The following SCG3 variants were observed in gnomAD, a reference collection of about 807,000 sequenced individuals.
SCG3 encodes the protein secretogranin III.
SCG3 carries 38 observed loss-of-function variants against 56.2 expected under a neutral mutation model. The observed-to-expected ratio is 0.68, with a 90% CI of 0.52 to 0.89. SCG3 has a LOEUF of 0.89. Ranked by LOEUF, SCG3 falls within the 40% of genes least tolerant of loss-of-function variation. The pLI is 0.00. For synonymous variants in SCG3, 176 were observed against 184.2 expected, an observed-to-expected ratio of 0.96 and a Z score of 0.36; for missense variants, 524 against 540.7, an observed-to-expected ratio of 0.97 and a Z score of 0.31.
chr15:51,708,638 G>C (rs2055391087), intron 10 of SCG3, among the ~76,000 whole-genome samples: 1 of 152,160 alleles, frequency 6.6e-6, no homozygotes, highest in Non-Finnish European at 1.5e-5. Context: ...GGCAGATCAC[G>C]AGGTCAGGAG....
intron 8 of SCG3, among the ~76,000 whole-genome samples, chr15:51,699,099 T>C (rs78355726): frequency 0.013 from 1,980 of 152,306 alleles, 29 homozygotes; most frequent in East Asian, 0.026. Flanking sequence ...TGCAATTAGC[T>C]GAGTAGGAGG....
Position 51,692,185 on chromosome 15 carries a change from T to G in SCG3, c.717T>G (p.Gly239=). The G allele has an allele frequency of 6.2e-7, 1 of 1,611,910 alleles. No homozygotes were observed. The highest frequency in any genetic ancestry group is 8.5e-7 in the Non-Finnish European group (1 of 1,179,018). Residue 239 remains glycine, a synonymous_variant, in exon 7 of 12, where the codon GGT becomes GGG. Transcript: ENST00000220478. ...KVTPMAAIQD[G]LAKGENDETV... is the part of the protein sequence containing the mutation. ...CTCCAATGGCAGCAATTCAAGATGGTCTTGCTAAGGGAGAAAACGATGAAA... is the reference window on the plus strand; with the variant it reads ...CTCCAATGGCAGCAATTCAAGATGGGCTTGCTAAGGGAGAAAACGATGAAA...
At chr15:51,706,676 AAGTAATAATAATAAT>A (rs945879168) in intron 10 of SCG3, among the ~76,000 whole-genome samples, 19 of 152,124 alleles carry the variant, frequency 1.2e-4, no homozygotes, top group Admixed American at 7.2e-4. Context: ...TGAGGAATAT[AAGTAATAATAATAAT>A]AGTAATAATA....
intron 7 of SCG3, 78 bp from the exon 8 acceptor site, chr15:51,695,797 G>T: frequency 1.4e-6 from 1 of 729,726 alleles, no homozygotes; most frequent in Non-Finnish European, 2.3e-6. Flanking sequence ...CAAACAAAAA[G>T]ATGCTGTACT....
At chr15:51,698,986 C>T (rs2055321973) in intron 8 of SCG3, among the ~76,000 whole-genome samples, 1 of 152,192 alleles carries the variant, frequency 6.6e-6, no homozygotes, top group African/African-American at 2.4e-5. Flanking sequence ...AATCAAGGTG[C>T]AGTTACCACA....
At chr15:51,688,507 C>A in intron 5 of SCG3, 105 bp downstream of exon 5, 1 of 995,054 alleles carries the variant, frequency 1.0e-6, no homozygotes, top group Non-Finnish European at 1.5e-6. Flanking sequence ...AATGTGTCTT[C>A]CTTCTACTAG....
chr15:51,718,092 A>T (rs982943692), intron 11 of SCG3, among the ~76,000 whole-genome samples: 22 of 152,210 alleles, frequency 1.4e-4, no homozygotes, highest in Non-Finnish European at 1.5e-5. Flanking sequence ...GTGCCCTAAC[A>T]TTATGACAAA....
At chr15:51,711,366 AG>A (rs2055419670) in intron 10 of SCG3, among the ~76,000 whole-genome samples, 1 of 152,234 alleles carries the variant, frequency 6.6e-6, no homozygotes, top group African/African-American at 2.4e-5. Context: ...ATACGATATC[AG>A]AGAAGATAGT....
intron 11 of SCG3, among the ~76,000 whole-genome samples, chr15:51,717,082 C>T (rs2055461481): frequency 6.6e-6 from 1 of 151,678 alleles, no homozygotes; most frequent in South Asian, 2.1e-4. Flanking sequence ...AAAAATTAGC[C>T]AGGTGGGCCA....
chr15:51,719,625 T>C lies in SCG3; in HGVS notation c.*99T>C. The C allele has an allele frequency of 1.2e-6, 1 of 823,566 alleles. No individual in the cohort carries two copies. Among genetic ancestry groups the C allele is most frequent in the Non-Finnish European group, 1.9e-6 (1 of 521,448 alleles). 51.0% of individuals were successfully genotyped at this position (823,566 alleles called of 1,614,324 possible). A position where few individuals can be genotyped will look rare whatever the true frequency, so the allele number is the denominator to read the frequency against. On this transcript the variant is annotated 3_prime_UTR_variant, in exon 12 of 12. Coordinates refer to ENST00000220478, the MANE Select transcript of SCG3 (RefSeq NM_013243.4). ...TGATTAAAATTTTTTGACCCAAGGGTTATTAGAAAGTGCTGAATTTACAGT... is the reference window on the plus strand; with the variant it reads ...TGATTAAAATTTTTTGACCCAAGGGCTATTAGAAAGTGCTGAATTTACAGT...
intron 9 of SCG3, among the ~76,000 whole-genome samples, chr15:51,700,420 A>T (rs1254646815): frequency 6.6e-6 from 1 of 152,274 alleles, no homozygotes; most frequent in East Asian, 1.9e-4. Context: ...ATGGTTACCT[A>T]CTTTAAGGTT....
At chr15:51,713,881 C>T (rs2055436889) in intron 11 of SCG3, among the ~76,000 whole-genome samples, 1 of 152,154 alleles carries the variant, frequency 6.6e-6, no homozygotes, top group Non-Finnish European at 1.5e-5. Flanking sequence ...AGAGATGTCC[C>T]GCCCAAGGAA....
chr15:51,717,377 A>AAG (rs1244724410), intron 11 of SCG3, among the ~76,000 whole-genome samples: 2 of 151,578 alleles, frequency 1.3e-5, no homozygotes, highest in African/African-American at 4.9e-5. Context: ...CAAAAAAAAA[A>AAG]AAAAAATTAG....
chr15:51,691,974 T>G (rs1481163841), intron 6 of SCG3, among the ~76,000 whole-genome samples, 185 bp from the exon 7 acceptor site: 1 of 150,802 alleles, frequency 6.6e-6, no homozygotes, highest in African/African-American at 2.5e-5. Flanking sequence ...TTCCCTGAGC[T>G]TCAATGACCT....
chr15:51,718,032 A>C (rs2055469447), intron 11 of SCG3, among the ~76,000 whole-genome samples: 1 of 152,232 alleles, frequency 6.6e-6, no homozygotes, highest in South Asian at 2.1e-4. Context: ...AAAGGAGGGC[A>C]GGTCAGAGAG....
At position 51,699,294 on chromosome 15, in the gene SCG3, A is replaced by G. The variant is rs200109659; in HGVS notation, c.986-25A>G. The G allele has an allele frequency of 2.7e-5, 41 of 1,536,862 alleles. No individual in the cohort carries two copies. In the Admixed American group the frequency reaches 5.6e-4, roughly 21 times the overall value. ...ATGTCATCTCTCAGGGAATAAAATT[A>G]AATTTCTTTCCTTCCTCCCTCCAGA... On this transcript the variant is annotated intron_variant, in intron 8 of 11. Coordinates refer to ENST00000220478, the MANE Select transcript of SCG3 (RefSeq NM_013243.4).
Position 51,704,244 on chromosome 15 carries a change from CATATATATATAT to C in SCG3, c.1207+3024_1207+3035del, listed in dbSNP as rs750951935. On this transcript the variant is annotated intron_variant, in intron 10 of 11. Transcript: ENST00000220478. ...ATATGTGTGTATACATACATACATA[CATATATATATAT>C]ATATATATATATATATATATATAAA... Among the ~76,000 whole-genome samples the C allele has an allele frequency of 9.6e-4, 71 of 73,634 alleles. 3 individuals are homozygous for C. The South Asian group carries it at 0.026, about 27-fold the overall frequency. 48.3% of individuals were successfully genotyped at this position (73,634 alleles called of 152,430 possible).
In SCG3 at chr15:51,689,341, T is replaced by C. The variant is rs1272592976; in HGVS notation, c.663T>C (p.Asn221=). The part of the protein sequence containing the change: ...DPNKPTSWTE[N]QAGKIPEKVT... ...ATAAGCCCACAAGCTGGACTGAGAA[T>C]CAGGCTGGAAAAATACCAGAGAAAG... Residue 221 remains asparagine (N), a synonymous_variant, in exon 6 of 12, where the codon AAT becomes AAC. Transcript: ENST00000220478. 6.8e-6 allele frequency: 11 copies of C among 1,613,628 alleles called. No homozygotes were observed. Among genetic ancestry groups the C allele is most frequent in the South Asian group, 3.3e-5 (3 of 91,060 alleles).
chr15:51,697,868 T>C (rs2055314096), intron 8 of SCG3, among the ~76,000 whole-genome samples: 1 of 152,198 alleles, frequency 6.6e-6, no homozygotes, highest in South Asian at 2.1e-4. Flanking sequence ...TTGAGTTATG[T>C]CTTTAAGAAT....
Sources: allele counts gnomAD v4.1 joint callset (sites outside exome capture counted in the v4.1 genomes callset), GRCh38; gene constraint gnomAD v4.1.1; transcripts MANE v1.5; gene names NCBI Gene and HGNC (gene_info 2026-07-23, HGNC 2026-07-21).